The following TERB1 variants were observed in gnomAD, a reference collection of about 807,000 sequenced individuals.
The protein encoded by TERB1 is telomere repeats-binding bouquet formation protein 1.
TERB1 carries 63 observed loss-of-function variants against 92.3 expected under a neutral mutation model. That is an observed-to-expected ratio of 0.68 (90% CI 0.56 to 0.84). TERB1 has a LOEUF of 0.84. Ranked by LOEUF, TERB1 falls within the 40% of genes least tolerant of loss-of-function variation. TERB1 has a pLI of 0.00. For synonymous variants in TERB1, 252 were observed against 283.9 expected (o/e 0.89, Z 1.13); for missense variants, 709 against 843.7 (o/e 0.84, Z 1.98).
chr16:66,788,197 A>G lies in TERB1; in HGVS notation c.372T>C (p.Tyr124=), dbSNP rs547602015. Residue 124 remains tyrosine (Y), a synonymous_variant, in exon 6 of 19, where the codon TAT becomes TAC. Transcript: ENST00000433154. ...TATTTGAAACCAGAACCAAAATAAC[A>G]TAAACAGACATTCTTTTCAAATTTA... ...SNINLKRMSV[Y]VILVLVSNNR... 6.7e-7 allele frequency: 1 copy of G among 1,495,896 alleles called. No homozygotes were observed. The highest frequency in any genetic ancestry group is 2.5e-5 in the Admixed American group (1 of 40,316). The allele number at this position is 1,495,896 out of a possible 1,614,324, so 92.7% of individuals were successfully genotyped here.
intron 13 of TERB1, among the ~76,000 whole-genome samples, chr16:66,771,167 T>C (rs1481451250): frequency 1.3e-5 from 2 of 152,160 alleles, no homozygotes; most frequent in South Asian, 2.1e-4. Flanking sequence ...GATGAACAGA[T>C]AGTTTATAGG....
Position 66,790,633 on chromosome 16 carries a change from G to A in TERB1, c.233C>T (p.Ala78Val), listed in dbSNP as rs1169439735. ...KSSEHSMVKEAALYTLGAIAE... is the reference protein window; with the variant it reads ...KSSEHSMVKEVALYTLGAIAE... ...AATAGCTCCTAATGTATATAAGGCT[G>A]CTTCTTTTACCATGCTATGTTCACT... The change falls in exon 5 of 19, where the codon GCA becomes GTA. Residue 78 changes from alanine to valine, a missense_variant. Coordinates refer to ENST00000433154, the MANE Select transcript of TERB1 (RefSeq NM_001136505.2). 1.9e-6 allele frequency: 3 copies of A among 1,549,734 alleles called. No individual in the cohort carries two copies. The East Asian group carries it at 7.4e-5, about 38-fold the overall frequency.
Position 66,788,228 on chromosome 16 carries a change from G to T in TERB1, c.341C>A (p.Ser114Ter). The change falls in exon 6 of 19, where the codon TCA becomes TAA. Residue 114 changes from serine (S) to a stop codon, truncating the protein, a stop_gained. Transcript: ENST00000433154. LOFTEE classifies it high-confidence loss of function. ...AGACATTCTTTTCAAATTTATGTTT[G>T]AATCATTAGATAAGAACCAAGTTAA... ...EDLTWFLSNDSNINLKRMSVY... is the reference protein window; with the variant it reads ...EDLTWFLSND 1 of 1,510,806 alleles carries T rather than the reference G, an allele frequency of 6.6e-7. No homozygotes were observed. The highest frequency in any genetic ancestry group is 8.9e-7 in the Non-Finnish European group (1 of 1,128,378). The allele number at this position is 1,510,806 out of a possible 1,614,324, so 93.6% of individuals were successfully genotyped here.
chr16:66,787,061 G>T (rs2018740975), intron 6 of TERB1, among the ~76,000 whole-genome samples: 1 of 152,014 alleles, frequency 6.6e-6, no homozygotes, highest in Non-Finnish European at 1.5e-5. Context: ...GCCTCCCCAA[G>T]TGCTGGGGTT....
rs2018894233 is a variant in TERB1, at chr16:66,794,571, A to G, written c.31+2197T>C. Among the ~76,000 whole-genome samples the G allele has an allele frequency of 1.3e-5, 2 of 152,130 alleles. 1 individual carries two copies. Among genetic ancestry groups the G allele is most frequent in the South Asian group, 4.1e-4 (2 of 4,828 alleles). ...TAGGCAAAGTAACCTAGTTCCTTCA[A>G]TACCTCCTGAATAAAATAAACCAGC... On this transcript the variant is annotated intron_variant, in intron 3 of 18. Transcript: ENST00000433154.
chr16:66,795,207 C>T (rs2018909441), intron 3 of TERB1, among the ~76,000 whole-genome samples: 1 of 152,162 alleles, frequency 6.6e-6, no homozygotes, highest in African/African-American at 2.4e-5. Context: ...TGAAAAGATG[C>T]TCAACATCAC....
chr16:66,767,353 AT>A, intron 16 of TERB1, 61 bp downstream of exon 16: 1 of 997,678 alleles, frequency 1.0e-6, no homozygotes, highest in Non-Finnish European at 1.5e-6. Flanking sequence ...AAAAAAAAAA[AT>A]TCTAGTTAAT....
chr16:66,776,227 G>T (rs1488848700), intron 11 of TERB1, among the ~76,000 whole-genome samples: 1 of 151,488 alleles, frequency 6.6e-6, no homozygotes, highest in Non-Finnish European at 1.5e-5. Context: ...TACTCGGGAG[G>T]CTGAGACAGG....
chr16:66,801,656 C>T (rs1959315386), upstream of TERB1: 1 of 152,206 alleles, frequency 6.6e-6, no homozygotes. Context: ...CCCCGCCGCC[C>T]CTGCAAGGTG....
At chr16:66,781,461 T>C (rs1205942096) in intron 9 of TERB1, among the ~76,000 whole-genome samples, 1 of 152,118 alleles carries the variant, frequency 6.6e-6, no homozygotes, top group Non-Finnish European at 1.5e-5. Flanking sequence ...AATCATCAGG[T>C]TGCTTTTGTC....
chr16:66,755,285 C>T (rs1045661036), intron 18 of TERB1, 122 bp from the exon 19 acceptor site: 3 of 650,854 alleles, frequency 4.6e-6, no homozygotes, highest in Non-Finnish European at 5.1e-6. Flanking sequence ...GTGAGAAATG[C>T]CAGGGCTTCT....
At chr16:66,786,357 G>T in intron 6 of TERB1, 72 bp from the exon 7 acceptor site, 1 of 1,057,474 alleles carries the variant, frequency 9.5e-7, no homozygotes, top group Non-Finnish European at 1.4e-6. Flanking sequence ...GAACAGTTAA[G>T]TTTTATTTTA....
chr16:66,766,163 G>A (rs1199339944), intron 16 of TERB1, among the ~76,000 whole-genome samples: 1 of 152,164 alleles, frequency 6.6e-6, no homozygotes. Flanking sequence ...GAGCCACCGC[G>A]CCCGGCCGGG....
At chr16:66,782,376 C>G (rs941996892) in intron 9 of TERB1, among the ~76,000 whole-genome samples, 1 of 151,890 alleles carries the variant, frequency 6.6e-6, no homozygotes, top group Admixed American at 6.6e-5. Flanking sequence ...ATGGTGAAAC[C>G]CCATCTCTAC....
In TERB1 at chr16:66,781,570, A is replaced by AGTGCAGTG. The variant is rs553867195; in HGVS notation, c.701-2563_701-2556dup. 2.2e-4 allele frequency among the ~76,000 whole-genome samples: 30 copies of AGTGCAGTG among 133,472 alleles called. No individual in the cohort carries two copies. In the South Asian group the frequency reaches 7.2e-3, roughly 32 times the overall value. The allele number at this position is 133,472 out of a possible 152,430, so 87.6% of individuals were successfully genotyped here. A position where few individuals can be genotyped will look rare whatever the true frequency, so the allele number is the denominator to read the frequency against. On this transcript the variant is annotated intron_variant, in intron 9 of 18. Transcript: ENST00000433154. Reference sequence around the variant, plus strand: ...AGTCTCTCTCTGTAGCCCAGGCTGGAGTGCAGTGGCGCAATCTTGGCTCAC... The same window carrying AGTGCAGTG: ...AGTCTCTCTCTGTAGCCCAGGCTGGAGTGCAGTGGTGCAGTGGCGCAATCTTGGCTCAC...
Position 66,778,119 on chromosome 16 carries a change from TC to T in TERB1, c.853+743del, listed in dbSNP as rs201637286. 6.0e-3 allele frequency among the ~76,000 whole-genome samples: 920 copies of T among 152,372 alleles called. 3 individuals carry two copies. Among genetic ancestry groups the T allele is most frequent in the African/African-American group, 0.02 (852 of 41,596 alleles). On this transcript the variant is annotated intron_variant, in intron 10 of 18. Transcript: ENST00000433154. ...CATGTGAGAAGCAGCAGCCATGAGT[TC>T]AAGTCTGGTTCTGCCACTCACTAGT...
chr16:66,793,749 G>A (rs2018878717), intron 3 of TERB1, among the ~76,000 whole-genome samples: 1 of 152,060 alleles, frequency 6.6e-6, no homozygotes, highest in South Asian at 2.1e-4. Context: ...CTGAGCTCAG[G>A]CAATCCATCT....
intron 6 of TERB1, among the ~76,000 whole-genome samples, chr16:66,787,085 G>C (rs2018741539): frequency 6.6e-6 from 1 of 151,884 alleles, no homozygotes; most frequent in African/African-American, 2.4e-5. Flanking sequence ...GATGTGACCT[G>C]CTGTGCCTAC....
At chr16:66,787,083 CT>C (rs747335493) in intron 6 of TERB1, among the ~76,000 whole-genome samples, 4 of 152,044 alleles carry the variant, frequency 2.6e-5, no homozygotes, top group Non-Finnish European at 5.9e-5. Context: ...CAGATGTGAC[CT>C]GCTGTGCCTA....
Sources: allele counts gnomAD v4.1 joint callset (sites outside exome capture counted in the v4.1 genomes callset), GRCh38; gene constraint gnomAD v4.1.1; transcripts MANE v1.5; gene names NCBI Gene and HGNC (gene_info 2026-07-23, HGNC 2026-07-21).